EFCAB13: variants seen among roughly 807,000 people sequenced by gnomAD.
The protein encoded by EFCAB13 is EF-hand calcium-binding domain-containing protein 13.
Under a neutral mutation model 110.2 loss-of-function variants are expected in EFCAB13, and 91 were observed. The ratio of observed to expected loss-of-function variants is 0.83; its 90% CI spans 0.70 to 0.98. EFCAB13 has a LOEUF of 0.98. Among genes scored for constraint, EFCAB13 ranks in the 50% least tolerant of loss-of-function variants. The pLI, the probability that EFCAB13 is intolerant of heterozygous loss-of-function variation, is 0.00. For synonymous variants in EFCAB13, 323 were observed against 369.9 expected (o/e 0.87, Z 1.45); for missense variants, 968 against 1,119.4 (o/e 0.86, Z 1.93).
intron 2 of EFCAB13, among the ~76,000 whole-genome samples, chr17:47,325,949 T>TC (rs1189454168): frequency 1.1e-5 from 1 of 91,708 alleles, no homozygotes; most frequent in Non-Finnish European, 2.4e-5. Flanking sequence ...TATATATATA[T>TC]ATATATATAT....
chr17:47,334,928 T>C lies in EFCAB13; in HGVS notation c.31-268T>C, dbSNP rs560327466. 2.6e-4 allele frequency among the ~76,000 whole-genome samples: 39 copies of C among 152,168 alleles called. No individual in the cohort carries two copies. In the South Asian group the frequency reaches 5.4e-3, roughly 21 times the overall value. On this transcript the variant is annotated intron_variant, in intron 4 of 24. Transcript: ENST00000331493. ...GACCCTGTCTCAAAAAAAGAAAAAG[T>C]GCTAGATGCAATAACTGTTAGACAT...
chr17:47,354,240 T>A (rs1260918844), intron 9 of EFCAB13, among the ~76,000 whole-genome samples: 2 of 152,186 alleles, frequency 1.3e-5, no homozygotes, highest in Non-Finnish European at 2.9e-5. Context: ...GCAAGAGTAC[T>A]TGCTGTAATT....
chr17:47,342,711 C>A (rs1357749254), intron 6 of EFCAB13, among the ~76,000 whole-genome samples: 1 of 152,118 alleles, frequency 6.6e-6, no homozygotes, highest in African/African-American at 2.4e-5. Flanking sequence ...TATTTCCCCT[C>A]TTTCAATCTC....
Position 47,361,390 on chromosome 17 carries a change from C to T in EFCAB13, c.674C>T (p.Ala225Val). The change falls in exon 10 of 25, where the codon GCC becomes GTC. Residue 225 changes from alanine (A) to valine (V), a missense_variant. Ala to Val is a moderately conservative substitution (Grantham distance 64). Transcript: ENST00000331493. ...KTVDIDAFQD[A>V]LKIFCRIKGG... is the part of the protein sequence containing the mutation. ...TTCTTTTTTGCAGCATTCCAGGATG[C>T]CTTGAAGATTTTCTGTAGGATAAAA... 6.2e-7 allele frequency: 1 copy of T among 1,612,452 alleles called. No individual in the cohort carries two copies. Among genetic ancestry groups the T allele is most frequent in the Non-Finnish European group, 8.5e-7 (1 of 1,179,140 alleles).
At chr17:47,420,082 C>A (rs1047091728) in intron 23 of EFCAB13, among the ~76,000 whole-genome samples, 1 of 152,186 alleles carries the variant, frequency 6.6e-6, no homozygotes, top group Admixed American at 6.5e-5. Flanking sequence ...CAAGTGCCTG[C>A]AATTGCAGGC....
At chr17:47,344,315 T>G in intron 7 of EFCAB13, 23 bp downstream of exon 7, 2 of 1,603,648 alleles carry the variant, frequency 1.2e-6, no homozygotes, top group Non-Finnish European at 1.7e-6. Flanking sequence ...TTGTACTCTA[T>G]TTTTTAAATG....
intron 2 of EFCAB13, among the ~76,000 whole-genome samples, chr17:47,325,923 A>AATATATATATATATATATAT (rs60735562): frequency 2.8e-4 from 29 of 102,540 alleles, no homozygotes; most frequent in South Asian, 7.5e-4. Context: ...ATATAAACAA[A>AATATATATATATATATATAT]ATATATATAT....
chr17:47,413,315 T>TA (rs1904320748), intron 22 of EFCAB13, among the ~76,000 whole-genome samples: 1 of 152,178 alleles, frequency 6.6e-6, no homozygotes, highest in Admixed American at 6.5e-5. Context: ...TCACTACATT[T>TA]AAAAATAAGT....
chr17:47,437,070 T>C (rs1395344129), intron 24 of EFCAB13, among the ~76,000 whole-genome samples: 2 of 152,194 alleles, frequency 1.3e-5, no homozygotes, highest in East Asian at 3.8e-4. Flanking sequence ...TGCATGGTTT[T>C]GAAGGTCCCT....
chr17:47,383,608 C>T lies in EFCAB13; in HGVS notation c.1582+4355C>T, dbSNP rs567780096. Among the ~76,000 whole-genome samples, 31 of 152,280 alleles carry T rather than the reference C, an allele frequency of 2.0e-4. 1 individual carries two copies. The highest frequency in any genetic ancestry group is 7.5e-4 in the African/African-American group (31 of 41,560). Reference sequence around the variant, plus strand: ...TTTGGTTTTGAGTGAGTTTCTTAATCCTGAGTTCTAATTTGATTGCACTGT... The same window carrying T: ...TTTGGTTTTGAGTGAGTTTCTTAATTCTGAGTTCTAATTTGATTGCACTGT... On this transcript the variant is annotated intron_variant, in intron 14 of 24. Coordinates refer to ENST00000331493, the MANE Select transcript of EFCAB13 (RefSeq NM_152347.5).
chr17:47,343,926 A>G (rs947368808), intron 6 of EFCAB13, among the ~76,000 whole-genome samples: 1 of 152,126 alleles, frequency 6.6e-6, no homozygotes, highest in Non-Finnish European at 1.5e-5. Flanking sequence ...TATTAATGAC[A>G]TGATTAACTG....
Position 47,398,276 on chromosome 17 carries a change from G to A in EFCAB13, c.1945+2299G>A, listed in dbSNP as rs1343845418. On this transcript the variant is annotated intron_variant, in intron 17 of 24. Transcript: ENST00000331493. ...CCCCGCCCGGCCAGCCACCCCGCCC[G>A]GGAGGTGAGGGGCGCCTCTGCCCGG... 7.4e-5 allele frequency among the ~76,000 whole-genome samples: 11 copies of A among 148,868 alleles called. 1 individual carries two copies. Among genetic ancestry groups the A allele is most frequent in the Non-Finnish European group, 1.3e-4 (9 of 67,018 alleles).
intron 10 of EFCAB13, among the ~76,000 whole-genome samples, chr17:47,366,879 T>G (rs1242767967): frequency 4.6e-5 from 7 of 152,222 alleles, no homozygotes. Context: ...TAGTTGACAT[T>G]GGACTTCTGT....
intron 12 of EFCAB13, 117 bp downstream of exon 12, chr17:47,375,083 C>CT (rs981987181): frequency 5.1e-3 from 5,194 of 1,027,598 alleles, no homozygotes; most frequent in South Asian, 6.4e-3. Context: ...ACCACCACTT[C>CT]TTTTTTTTTT....
At chr17:47,327,556 C>G (rs2065293690) in intron 3 of EFCAB13, among the ~76,000 whole-genome samples, 3 of 151,348 alleles carry the variant, frequency 2.0e-5, no homozygotes, top group Admixed American at 2.0e-4. Context: ...CTCCCAGATT[C>G]AAGCGATTCT....
At chr17:47,354,749 T>C (rs2065470878) in intron 9 of EFCAB13, among the ~76,000 whole-genome samples, 1 of 152,202 alleles carries the variant, frequency 6.6e-6, no homozygotes, top group African/African-American at 2.4e-5. Flanking sequence ...CTTAGGTTTA[T>C]GTGAGTGAGT....
chr17:47,397,542 G>A (rs183972392), intron 17 of EFCAB13, among the ~76,000 whole-genome samples: 4,785 of 150,838 alleles, frequency 0.032, 101 homozygotes, highest in Non-Finnish European at 0.05. Context: ...TCTCTGCCCG[G>A]CCGCCATCCC....
At chr17:47,363,372 C>G (rs1022435016) in intron 10 of EFCAB13, among the ~76,000 whole-genome samples, 1 of 152,002 alleles carries the variant, frequency 6.6e-6, no homozygotes, top group Non-Finnish European at 1.5e-5. Context: ...CAGCCTGATT[C>G]ATTCACTTAA....
chr17:47,341,029 T>A (rs2065381500), intron 5 of EFCAB13, among the ~76,000 whole-genome samples: 1 of 151,962 alleles, frequency 6.6e-6, no homozygotes, highest in South Asian at 2.1e-4. Flanking sequence ...AGAGAGTGGT[T>A]TTGCATCTCC....
Sources: gnomAD v4.1 joint callset for allele counts (sites outside exome capture counted in the v4.1 genomes callset) on GRCh38, gnomAD v4.1.1 for gene constraint, MANE v1.5 for transcripts, NCBI Gene and HGNC (gene_info 2026-07-23, HGNC 2026-07-21) for gene names.